SNX13: variants seen among roughly 807,000 people sequenced by gnomAD.
The protein encoded by SNX13 is sorting nexin 13.
In SNX13, 45 loss-of-function variants were observed where a neutral mutation model predicts 133.6. The observed-to-expected ratio is 0.34, with a 90% CI of 0.27 to 0.43. The LOEUF is 0.43. Ranked by LOEUF, SNX13 falls within the 20% of genes least tolerant of loss-of-function variation. The pLI is 1.00. For synonymous variants in SNX13, 414 were observed against 373.9 expected (o/e 1.11, Z -1.24); for missense variants, 1,032 against 1,145.1 (o/e 0.90, Z 1.43).
At chr7:17,798,897 A>T in intron 23 of SNX13, 112 bp downstream of exon 23, 1 of 1,328,550 alleles carries the variant, frequency 7.5e-7, no homozygotes, top group Non-Finnish European at 1.0e-6. Flanking sequence ...TGATGTCCTT[A>T]AAAGGCCCAG....
intron 1 of SNX13, among the ~76,000 whole-genome samples, chr7:17,930,521 A>G (rs1053385702): frequency 2.6e-5 from 4 of 152,230 alleles, no homozygotes; most frequent in Non-Finnish European, 5.9e-5. Flanking sequence ...ATATGATTGA[A>G]TATTCTGAGC....
chr7:17,829,995 C>A lies in SNX13; in HGVS notation c.1635+15G>T. The A allele has an allele frequency of 6.7e-7, 1 of 1,502,604 alleles. No homozygotes were observed. Among genetic ancestry groups the A allele is most frequent in the Non-Finnish European group, 9.0e-7 (1 of 1,110,404 alleles). The allele number at this position is 1,502,604 out of a possible 1,614,324, so 93.1% of individuals were successfully genotyped here. A position where few individuals can be genotyped will look rare whatever the true frequency, so the allele number is the denominator to read the frequency against. ...TTTCAAGTCACTTTAATAAAGTACCCATAATAGTACTTACCAAATTTATGC... is the reference window on the plus strand; with the variant it reads ...TTTCAAGTCACTTTAATAAAGTACCAATAATAGTACTTACCAAATTTATGC... On this transcript the variant is annotated intron_variant, in intron 16 of 25. Transcript: ENST00000428135.
intron 5 of SNX13, chr7:17,880,948 G>C (rs866895936): frequency 2.8e-4 from 42 of 152,036 alleles, no homozygotes; most frequent in African/African-American, 9.7e-4. Context: ...TATATGCAAG[G>C]GTCATCTTGT....
chr7:17,808,354 A>G (rs1443319881), intron 20 of SNX13, among the ~76,000 whole-genome samples: 1 of 152,246 alleles, frequency 6.6e-6, no homozygotes, highest in Admixed American at 6.5e-5. Context: ...AAAGGATATC[A>G]GAGATTGAAG....
chr7:17,830,389 A>C (rs932532568), intron 15 of SNX13: 34 of 984,424 alleles, frequency 3.5e-5, no homozygotes, highest in Non-Finnish European at 4.0e-5. Flanking sequence ...AACATTGCAG[A>C]ATGAGGCCCA....
At chr7:17,799,811 T>C (rs1287526995) in intron 22 of SNX13, among the ~76,000 whole-genome samples, 1 of 151,786 alleles carries the variant, frequency 6.6e-6, no homozygotes, top group Non-Finnish European at 1.5e-5. Context: ...TCGGAATGCT[T>C]TGATGCAAAA....
intron 1 of SNX13, among the ~76,000 whole-genome samples, chr7:17,909,127 CA>C (rs200645406): frequency 1.3e-4 from 19 of 150,054 alleles, no homozygotes; most frequent in Non-Finnish European, 1.9e-4. Context: ...AAATGCTAAT[CA>C]AAAAAAAATT....
intron 15 of SNX13, chr7:17,830,961 T>C: frequency 6.1e-6 from 6 of 984,442 alleles, no homozygotes; most frequent in Non-Finnish European, 7.2e-6. Context: ...TTCTTGGTTC[T>C]TCAGCCCTCT....
intron 7 of SNX13, among the ~76,000 whole-genome samples, chr7:17,874,064 T>C (rs891739121): frequency 6.6e-6 from 1 of 152,220 alleles, no homozygotes; most frequent in Non-Finnish European, 1.5e-5. Context: ...TCTTCTATTC[T>C]GCTGATTTAA....
Position 17,940,374 on chromosome 7 carries a change from GCCGCCGCCAA to G in SNX13, c.-89_-80del. 1 of 1,518,000 alleles carries G rather than the reference GCCGCCGCCAA, an allele frequency of 6.6e-7. No homozygotes were observed. The highest frequency in any genetic ancestry group is 8.9e-7 in the Non-Finnish European group (1 of 1,118,214). 94.0% of individuals were successfully genotyped at this position (1,518,000 alleles called of 1,614,324 possible). On this transcript the variant is annotated 5_prime_UTR_variant, in exon 1 of 26. An upstream open reading frame in the 5' UTR gains an earlier in-frame stop. Transcript: ENST00000428135. ...CGTAGCAGCAGCGAAAACTGCTCGGGCCGCCGCCAACGGCGGCAACTGCTCCTTCAGTCTT... is the reference window on the plus strand; with the variant it reads ...CGTAGCAGCAGCGAAAACTGCTCGGGCGGCGGCAACTGCTCCTTCAGTCTT...
At chr7:17,920,864 AG>A (rs2128035417) in intron 1 of SNX13, among the ~76,000 whole-genome samples, 1 of 152,342 alleles carries the variant, frequency 6.6e-6, no homozygotes, top group South Asian at 2.1e-4. Context: ...TCACAAATCT[AG>A]AACTGGACAA....
intron 22 of SNX13, among the ~76,000 whole-genome samples, chr7:17,799,802 C>T (rs1332427559): frequency 3.3e-5 from 5 of 151,736 alleles, no homozygotes; most frequent in South Asian, 2.1e-4. Context: ...GGAAGACGAT[C>T]GGAATGCTTT....
In SNX13 at chr7:17,792,565, A is replaced by G. The variant is rs1783654351; in HGVS notation, c.*1480T>C. On this transcript the variant is annotated 3_prime_UTR_variant, in exon 26 of 26. Coordinates refer to ENST00000428135, the MANE Select transcript of SNX13 (RefSeq NM_015132.5). The stretch of plus-strand genomic sequence containing the variant: ...TCTTGTTCCAATCTTAAAGCTCCCA[A>G]ATAACTGGGATACCAATACTCTGTC... 6.6e-6 allele frequency: 1 copy of G among 152,376 alleles called. No homozygotes were observed. Among genetic ancestry groups the G allele is most frequent in the Non-Finnish European group, 1.5e-5 (1 of 67,896 alleles). 9.4% of individuals were successfully genotyped at this position (152,376 alleles called of 1,614,324 possible). A position where few individuals can be genotyped will look rare whatever the true frequency, so the allele number is the denominator to read the frequency against.
At chr7:17,860,055 G>A (rs1007207132) in intron 9 of SNX13, among the ~76,000 whole-genome samples, 1 of 152,084 alleles carries the variant, frequency 6.6e-6, no homozygotes, top group African/African-American at 2.4e-5. Context: ...ATTTTGAGAA[G>A]AACCTCCAAA....
chr7:17,833,899 A>C (rs1583410111), intron 15 of SNX13, among the ~76,000 whole-genome samples, 153 bp downstream of exon 15: 1 of 151,916 alleles, frequency 6.6e-6, no homozygotes, highest in African/African-American at 2.4e-5. Context: ...TAGTATAGTC[A>C]CTAAACTTTG....
chr7:17,882,704 T>C (rs570551257), intron 5 of SNX13: 20 of 772,172 alleles, frequency 2.6e-5, no homozygotes, highest in African/African-American at 5.7e-5. Flanking sequence ...GGAAACATGA[T>C]TGAAAAGAAA....
At chr7:17,839,350 T>C (rs1184725260) in intron 13 of SNX13, among the ~76,000 whole-genome samples, 2 of 151,708 alleles carry the variant, frequency 1.3e-5, no homozygotes, top group African/African-American at 4.8e-5. Context: ...AAGTGGGGTA[T>C]TGAAGTCTCC....
chr7:17,822,124 G>A (rs1379322921), intron 17 of SNX13, among the ~76,000 whole-genome samples: 1 of 151,856 alleles, frequency 6.6e-6, no homozygotes, highest in Non-Finnish European at 1.5e-5. Context: ...AACAGCCACG[G>A]GATAACATTT....
intron 5 of SNX13, chr7:17,881,577 C>T (rs1795352489): frequency 6.6e-6 from 1 of 151,870 alleles, no homozygotes; most frequent in South Asian, 2.1e-4. Context: ...AGTTTTACTC[C>T]ATTAGAAGGC....
Sources: gnomAD v4.1 joint callset for allele counts (sites outside exome capture counted in the v4.1 genomes callset) on GRCh38, gnomAD v4.1.1 for gene constraint, MANE v1.5 for transcripts, NCBI Gene and HGNC (gene_info 2026-07-23, HGNC 2026-07-21) for gene names.